Variants in KRT6C observed in about 807,000 individuals in gnomAD.
KRT6C encodes keratin, type II cytoskeletal 6C.
A neutral mutation model predicts 49.4 loss-of-function variants in KRT6C; 46 were observed. The ratio of observed to expected loss-of-function variants is 0.93; its 90% confidence interval spans 0.74 to 1.19. The LOEUF is 1.19. Among genes scored for constraint, KRT6C ranks in the 50% most tolerant of loss-of-function variants. The pLI is 0.00. For synonymous variants in KRT6C, 236 were observed against 297.1 expected, an observed-to-expected ratio of 0.79 and a Z score of 2.12; for missense variants, 552 against 737.5, an observed-to-expected ratio of 0.75 and a Z score of 2.91.
At position 52,473,127 on chromosome 12, in the gene KRT6C, T is replaced by A; in HGVS notation, c.540+71A>T. 6 of 1,381,242 alleles carry A rather than the reference T, an allele frequency of 4.3e-6. 1 individual carries two copies. The South Asian group carries it at 7.0e-5, about 16-fold the overall frequency. 85.6% of individuals were successfully genotyped at this position (1,381,242 alleles called of 1,614,324 possible). A position where few individuals can be genotyped will look rare whatever the true frequency, so the allele number is the denominator to read the frequency against. ...CTTCTCCCTCCCTCCTAGGTCTCCC[T>A]AGCAGGAAGGTGTTGCTCTTCTGGT... is the stretch of plus-strand genomic sequence containing the variant. On this transcript the variant is annotated intron_variant, in intron 1 of 8. Coordinates refer to ENST00000252250, the MANE Select transcript of KRT6C (RefSeq NM_173086.5).
In KRT6C at chr12:52,470,288, C is replaced by G. The variant is rs1592176740; in HGVS notation, c.1203+217G>C. ...TGTAGGGGAGGTGGTAACTTTTTAC[C>G]TGACTGTTGAGACCTGGCCTTGCTT... On this transcript the variant is annotated intron_variant, in intron 6 of 8. Coordinates refer to ENST00000252250, the MANE Select transcript of KRT6C (RefSeq NM_173086.5). 6.6e-6 allele frequency: 5 copies of G among 761,424 alleles called. No individual in the cohort carries two copies. The East Asian group carries it at 1.4e-4, about 21-fold the overall frequency. The allele number at this position is 761,424 out of a possible 1,614,324, so 47.2% of individuals were successfully genotyped here. A position where few individuals can be genotyped will look rare whatever the true frequency, so the allele number is the denominator to read the frequency against.
In KRT6C at chr12:52,469,431, C is replaced by A; in HGVS notation, c.1439G>T (p.Gly480Val). Residue 480 changes from glycine (G) to valine (V), a missense_variant, in exon 8 of 9, where the codon GGC (glycine) becomes GTC (valine). Gly to Val is a moderately radical substitution (Grantham distance 109). This residue lies in a region of KRT6C where 425 missense variants were observed against 439.4 expected (regional missense o/e 0.97). Coordinates refer to ENST00000252250, the MANE Select transcript of KRT6C (RefSeq NM_173086.5). The stretch of plus-strand genomic sequence containing the variant: ...CTTACAGACGTTGACTTGTCCAACG[C>A]CTTCGCCATTCAGCCTGTGGAGAGG... ...EGEECRLNGE[G>V]VGQVNVSVVQ... 6.2e-7 allele frequency: 1 copy of A among 1,613,950 alleles called. No homozygotes were observed. Among genetic ancestry groups the A allele is most frequent in the Non-Finnish European group, 8.5e-7 (1 of 1,179,866 alleles).
rs1408903294 is a variant in KRT6C, at chr12:52,469,266, A to G, written c.1491T>C (p.Tyr497=). Residue 497 remains tyrosine, a synonymous_variant, in exon 9 of 9, where the codon TAT becomes TAC. Transcript: ENST00000252250. ...CACTGCCGACACCGCTGGCACCGCC[A>G]TAGCCACTGGAGATGGTGGACTGTA... ...SVVQSTISSG[Y]GGASGVGSGL... 24 of 1,614,000 alleles carry G rather than the reference A, an allele frequency of 1.5e-5. No homozygotes were observed. The highest frequency in any genetic ancestry group is 3.3e-5 in the Admixed American group (2 of 60,016).
Position 52,471,030 on chromosome 12 carries a change from C to A in KRT6C, c.1077+102G>T, listed in dbSNP as rs866980181. On this transcript the variant is annotated intron_variant, in intron 5 of 8. Coordinates refer to ENST00000252250, the MANE Select transcript of KRT6C (RefSeq NM_173086.5). ...GCAGAGTGCATGTCCTGTGAGAGGA[C>A]CCCAGCTTCCTGTCAGGGGATGTCC... 1.5e-5 allele frequency: 24 copies of A among 1,594,504 alleles called. No homozygotes were observed. In the Middle Eastern group the frequency reaches 3.5e-3, roughly 232 times the overall value.
chr12:52,470,129 T>TTTGGG (rs1937848944), intron 6 of KRT6C: 1 of 629,230 alleles, frequency 1.6e-6, no homozygotes, highest in African/African-American at 1.8e-5. Flanking sequence ...TGGGAGACAC[T>TTTGGG]ACAATGGACC....
At position 52,469,408 on chromosome 12, in the gene KRT6C, T is replaced by C. The variant is rs113001679; in HGVS notation, c.1459+3A>G. 1 of 1,613,898 alleles carries C rather than the reference T, an allele frequency of 6.2e-7. No individual in the cohort carries two copies. ...GGGGAGGAAGGCAAGCAAAGGTACT[T>C]ACAGACGTTGACTTGTCCAACGCCT... On this transcript the variant is annotated splice_donor_region_variant and intron_variant, in intron 8 of 8. Coordinates refer to ENST00000252250, the MANE Select transcript of KRT6C (RefSeq NM_173086.5).
At position 52,468,900 on chromosome 12, in the gene KRT6C, G is replaced by C; in HGVS notation, c.*162C>G. On this transcript the variant is annotated 3_prime_UTR_variant, in exon 9 of 9. Transcript: ENST00000252250. ...GAGCAATGGGTGCTCAGATGGGGCA[G>C]GTATAGACAGAGAGAAGTGAGGGCA... 1.2e-6 allele frequency: 1 copy of C among 818,848 alleles called. No individual in the cohort carries two copies. Among genetic ancestry groups the C allele is most frequent in the South Asian group, 1.8e-5 (1 of 57,052 alleles). The allele number at this position is 818,848 out of a possible 1,614,324, so 50.7% of individuals were successfully genotyped here.
Position 52,471,673 on chromosome 12 carries a change from T to C in KRT6C, c.815A>G (p.Lys272Arg). The C allele has an allele frequency of 6.2e-7, 1 of 1,613,092 alleles. No individual in the cohort carries two copies. Among genetic ancestry groups the C allele is most frequent in the Non-Finnish European group, 8.5e-7 (1 of 1,179,668 alleles). Residue 272 changes from lysine (K) to arginine (R), a missense_variant and splice_region_variant, in exon 3 of 9, where the codon AAG (lysine) becomes AGG (arginine). Lys to Arg is a conservative substitution (Grantham distance 26). This residue lies in a region of KRT6C where 425 missense variants were observed against 439.4 expected (regional missense o/e 0.97). Coordinates refer to ENST00000252250, the MANE Select transcript of KRT6C (RefSeq NM_173086.5). ...AAENEFVTLK[K>R]DVDAAYMNKV... Reference sequence around the variant, plus strand: ...GAACCCCCGGCTTCATCTGCTCACCTTCTTCAGAGTCACAAATTCATTCTC... The same window carrying C: ...GAACCCCCGGCTTCATCTGCTCACCCTCTTCAGAGTCACAAATTCATTCTC...
chr12:52,471,030 C>T (rs866980181), intron 5 of KRT6C, 102 bp downstream of exon 5: 19 of 1,594,384 alleles, frequency 1.2e-5, no homozygotes, highest in Non-Finnish European at 1.6e-5. Flanking sequence ...TGTGAGAGGA[C>T]CCCAGCTTCC....
At chr12:52,471,825 T>C (rs1165421712) in intron 2 of KRT6C, 93 bp from the exon 3 acceptor site, 2 of 1,452,926 alleles carry the variant, frequency 1.4e-6, no homozygotes, top group African/African-American at 2.7e-5. Flanking sequence ...GAATGGAATA[T>C]ATTCTAATTG....
rs771002139 is a variant in KRT6C at position 52,471,194 on chromosome 12, C to T, written c.1015G>A (p.Ala339Thr). ...DLDSIIAEVKAQYEEIAQRSR... is the reference protein window; with the variant it reads ...DLDSIIAEVKTQYEEIAQRSR... ...CTCTGAGCAATCTCCTCGTATTGGG[C>T]CTTGACCTCAGCGATGATGCTGTCC... Residue 339 changes from alanine to threonine, a missense_variant, in exon 5 of 9, where the codon GCC becomes ACC. Physicochemically the swap from Ala to Thr is moderately conservative, Grantham distance 58 (BLOSUM62 0). Around this residue, in one of 3 missense-constraint regions of KRT6C, gnomAD observed 425 missense variants for 439.4 expected, o/e 0.97. Coordinates refer to ENST00000252250, the MANE Select transcript of KRT6C (RefSeq NM_173086.5). The T allele has an allele frequency of 1.2e-6, 2 of 1,614,202 alleles. No individual in the cohort carries two copies. Among genetic ancestry groups the T allele is most frequent in the South Asian group, 2.2e-5 (2 of 91,082 alleles).
chr12:52,472,322 G>C lies in KRT6C; in HGVS notation c.541-42C>G. On this transcript the variant is annotated intron_variant, in intron 1 of 8. Transcript: ENST00000252250. ...ATGGTCATTTTCCAGGCAAAGGAAG[G>C]AAGAAAAAGTGTCTGGTATCCAGTT... 4.3e-6 allele frequency: 6 copies of C among 1,389,998 alleles called. 2 individuals carry two copies. The highest frequency in any genetic ancestry group is 6.0e-6 in the Non-Finnish European group (6 of 1,004,350). 86.1% of individuals were successfully genotyped at this position (1,389,998 alleles called of 1,614,324 possible).
At chr12:52,471,084 C>T in intron 5 of KRT6C, 48 bp downstream of exon 5, 3 of 1,614,134 alleles carry the variant, frequency 1.9e-6, no homozygotes, top group Non-Finnish European at 2.5e-6. Flanking sequence ...CTCTGGTATT[C>T]CAGGATGGAC....
In KRT6C at chr12:52,472,178, C is replaced by T. The variant is rs371638126; in HGVS notation, c.643G>A (p.Glu215Lys). Residue 215 changes from glutamate (E) to lysine (K), a missense_variant, in exon 2 of 9, where the codon GAG becomes AAG. Physicochemically the swap from Glu to Lys is moderately conservative, Grantham distance 56. Coordinates refer to ENST00000252250, the MANE Select transcript of KRT6C (RefSeq NM_173086.5). ...CTCCTGAGGTTGTTGATGTACTGCTCGAACAACGGCTCCAGGTTCTGCCTC... is the reference window on the plus strand; with the variant it reads ...CTCCTGAGGTTGTTGATGTACTGCTTGAACAACGGCTCCAGGTTCTGCCTC... Reference protein sequence around the residue: ...TVRQNLEPLFEQYINNLRRQL... With the variant: ...TVRQNLEPLFKQYINNLRRQL... 40 of 1,484,980 alleles carry T rather than the reference C, an allele frequency of 2.7e-5. 2 individuals are homozygous for T. Among genetic ancestry groups the T allele is most frequent in the African/African-American group, 1.2e-4 (9 of 74,378 alleles). 92.0% of individuals were successfully genotyped at this position (1,484,980 alleles called of 1,614,324 possible).
chr12:52,471,110 C>A (rs1937870380), intron 5 of KRT6C, 22 bp downstream of exon 5: 3 of 1,614,080 alleles, frequency 1.9e-6, no homozygotes, highest in Admixed American at 1.7e-5. Context: ...GATTCCTCAG[C>A]AGCTGCCCAC....
chr12:52,468,967 A>G lies in KRT6C; in HGVS notation c.*95T>C. The G allele has an allele frequency of 6.6e-7, 1 of 1,511,008 alleles. No homozygotes were observed. The highest frequency in any genetic ancestry group is 2.3e-5 in the East Asian group (1 of 44,318). The allele number at this position is 1,511,008 out of a possible 1,614,324, so 93.6% of individuals were successfully genotyped here. On this transcript the variant is annotated 3_prime_UTR_variant, in exon 9 of 9. Transcript: ENST00000252250. ...AGCTCTACCTCGGAGAGCAGGGAAGACTAGAGGCCAGGAGAGGATAGGCAA... is the reference window on the plus strand; with the variant it reads ...AGCTCTACCTCGGAGAGCAGGGAAGGCTAGAGGCCAGGAGAGGATAGGCAA...
Position 52,470,580 on chromosome 12 carries a change from G to C in KRT6C, c.1128C>G (p.Asn376Lys). The C allele has an allele frequency of 2.5e-6, 4 of 1,614,044 alleles. No individual in the cohort carries two copies. The highest frequency in any genetic ancestry group is 3.4e-6 in the Non-Finnish European group (4 of 1,180,018). The change falls in exon 6 of 9, where the codon AAC (asparagine) becomes AAG (lysine). Residue 376 changes from asparagine (N) to lysine (K), a missense_variant. Physicochemically the swap from Asn to Lys is moderately conservative, Grantham distance 94 (BLOSUM62 0). Transcript: ENST00000252250. ...TGATCTCAGCAATCTCCTGCTTGGT[G>C]TTGCGCAGGTCGTCCCCATGTCTGC... The part of the protein sequence containing the change: ...TAGRHGDDLR[N>K]TKQEIAEINR...
chr12:52,473,633 G>T lies in KRT6C; in HGVS notation c.105C>A (p.Ser35Arg). ...TGCCCCTGGAGCGGGACACGGAGAT[G>T]CTGCTGAAGCCAGAGCGGCTGACCC... The part of the protein sequence containing the change: ...LPGVSRSGFS[S>R]ISVSRSRGSG... Residue 35 changes from serine (S) to arginine (R), a missense_variant, in exon 1 of 9, where the codon AGC (serine) becomes AGA (arginine). Physicochemically the swap from Ser to Arg is moderately radical, Grantham distance 110. Around this residue, in one of 3 missense-constraint regions of KRT6C, gnomAD observed 73 missense variants for 102.1 expected, o/e 0.71. Coordinates refer to ENST00000252250, the MANE Select transcript of KRT6C (RefSeq NM_173086.5). 2 of 1,611,388 alleles carry T rather than the reference G, an allele frequency of 1.2e-6. No individual in the cohort carries two copies. The highest frequency in any genetic ancestry group is 1.1e-5 in the South Asian group (1 of 90,928).
intron 5 of KRT6C, 109 bp downstream of exon 5, chr12:52,471,023 G>T: frequency 6.3e-7 from 1 of 1,575,720 alleles, no homozygotes; most frequent in Non-Finnish European, 8.7e-7. Flanking sequence ...CATGTCCTGT[G>T]AGAGGACCCC....
Sources: allele counts gnomAD v4.1 joint callset, GRCh38; gene constraint gnomAD v4.1.1; regional missense constraint gnomAD v4.1.1; transcripts MANE v1.5; gene names NCBI Gene and HGNC (gene_info 2026-07-23, HGNC 2026-07-21).